The following SAMMSON variants were observed in gnomAD, a reference collection of about 807,000 sequenced individuals.
SAMMSON encodes the protein long intergenic non-protein coding RNA 1212.
intron 4 of SAMMSON, among the ~76,000 whole-genome samples, chr3:70,225,069 T>A (rs887531512): frequency 2.6e-5 from 4 of 152,164 alleles, no homozygotes; most frequent in Non-Finnish European, 5.9e-5. Flanking sequence ...ATATCTTGGG[T>A]GTTGGAAAGT....
chr3:70,326,166 C>T (rs1702579426), intron 7 of SAMMSON, among the ~76,000 whole-genome samples: 1 of 152,036 alleles, frequency 6.6e-6, no homozygotes. Context: ...TTTCCTTCCT[C>T]TTTCCCTTCC....
intron 4 of SAMMSON, among the ~76,000 whole-genome samples, chr3:70,094,320 A>G (rs1186401733): frequency 6.6e-6 from 1 of 152,250 alleles, no homozygotes; most frequent in Non-Finnish European, 1.5e-5. Flanking sequence ...GACTCCTTCC[A>G]GTGTATTCTA....
At chr3:70,252,197 T>C (rs1371494599) in intron 6 of SAMMSON, among the ~76,000 whole-genome samples, 1 of 152,210 alleles carries the variant, frequency 6.6e-6, no homozygotes, top group Non-Finnish European at 1.5e-5. Context: ...CTTGGCAAAA[T>C]TGAACAAAAT....
chr3:70,084,460 T>G (rs1416897522), intron 4 of SAMMSON, among the ~76,000 whole-genome samples: 1 of 152,194 alleles, frequency 6.6e-6, no homozygotes, highest in East Asian at 1.9e-4. Context: ...TTAATAAAAT[T>G]TGAAGAGATT....
At chr3:70,033,841 G>A (rs1411977034) in intron 3 of SAMMSON, among the ~76,000 whole-genome samples, 2 of 152,134 alleles carry the variant, frequency 1.3e-5, no homozygotes. Context: ...TTGGGAGATT[G>A]GATGAATGAC....
intron 2 of SAMMSON, among the ~76,000 whole-genome samples, chr3:70,424,213 T>G (rs1001765261): frequency 6.6e-5 from 10 of 152,210 alleles, no homozygotes; most frequent in African/African-American, 2.4e-4. Flanking sequence ...ATTAATTAAT[T>G]AAATACTTCT....
chr3:70,093,235 T>C (rs2067311781), intron 4 of SAMMSON, among the ~76,000 whole-genome samples: 1 of 152,154 alleles, frequency 6.6e-6, no homozygotes, highest in Non-Finnish European at 1.5e-5. Context: ...GAGAGCACAC[T>C]CAATGTCAGG....
At chr3:70,191,827 T>G (rs1330172364) in intron 4 of SAMMSON, among the ~76,000 whole-genome samples, 1 of 151,716 alleles carries the variant, frequency 6.6e-6, no homozygotes, top group African/African-American at 2.4e-5. Context: ...CTTGTGATAA[T>G]TGGTTATTTG....
chr3:70,424,746 T>C (rs1701342350), intron 2 of SAMMSON: 1 of 152,238 alleles, frequency 6.6e-6, no homozygotes, highest in South Asian at 2.1e-4. Context: ...CTTTGTCTAT[T>C]GACATTTTGA....
chr3:70,165,414 C>T (rs534287553), intron 4 of SAMMSON, among the ~76,000 whole-genome samples: 8 of 151,886 alleles, frequency 5.3e-5, no homozygotes, highest in Non-Finnish European at 8.8e-5. Context: ...AGAAGAGGCC[C>T]CAGAGAGTTT....
chr3:70,180,440 ATATATAATATCTAG>A (rs1215211380), intron 4 of SAMMSON, among the ~76,000 whole-genome samples: 2 of 152,170 alleles, frequency 1.3e-5, no homozygotes, highest in African/African-American at 4.8e-5. Flanking sequence ...CGTATGTTGC[ATATATAATATCTAG>A]TATATATTTA....
At chr3:70,202,828 G>A (rs1701254333) in intron 4 of SAMMSON, among the ~76,000 whole-genome samples, 1 of 152,098 alleles carries the variant, frequency 6.6e-6, no homozygotes, top group Non-Finnish European at 1.5e-5. Flanking sequence ...TACAACTGGG[G>A]ACTGGCTAAT....
At chr3:70,238,007 C>CTTTTTTTTTTTTTTTTTT (rs1701628969) in intron 4 of SAMMSON, among the ~76,000 whole-genome samples, 1 of 8,620 alleles carries the variant, frequency 1.2e-4, no homozygotes, top group Non-Finnish European at 2.5e-4. Flanking sequence ...TTTTTTTTTG[C>CTTTTTTTTTTTTTTTTTT]CTGTCCAGGA....
At chr3:70,265,583 T>C (rs1701910014) in intron 6 of SAMMSON, among the ~76,000 whole-genome samples, 1 of 152,132 alleles carries the variant, frequency 6.6e-6, no homozygotes, top group Non-Finnish European at 1.5e-5. Flanking sequence ...TCAAGGTGCT[T>C]CATTAATATT....
At chr3:70,356,682 A>G (rs1702831930) in intron 8 of SAMMSON, among the ~76,000 whole-genome samples, 1 of 152,098 alleles carries the variant, frequency 6.6e-6, no homozygotes, top group African/African-American at 2.4e-5. Flanking sequence ...TAAAATACCT[A>G]TCCTTTTTGT....
chr3:70,325,787 G>A (rs1055526079), intron 7 of SAMMSON, among the ~76,000 whole-genome samples: 4 of 152,070 alleles, frequency 2.6e-5, no homozygotes, highest in African/African-American at 9.7e-5. Context: ...AGGTATATCA[G>A]ATTGTAAATC....
intron 7 of SAMMSON, among the ~76,000 whole-genome samples, chr3:70,312,915 A>C (rs1702467496): frequency 6.6e-6 from 1 of 152,164 alleles, no homozygotes; most frequent in Non-Finnish European, 1.5e-5. Context: ...TAATATTAAA[A>C]GATGTAGAAA....
intron 2 of SAMMSON, among the ~76,000 whole-genome samples, chr3:70,398,413 G>C (rs1426506147): frequency 6.6e-6 from 1 of 152,090 alleles, no homozygotes; most frequent in Non-Finnish European, 1.5e-5. Context: ...TAGAAAAACT[G>C]GTTTCTTAAA....
chr3:70,308,372 A>G (rs1472249437), intron 7 of SAMMSON, among the ~76,000 whole-genome samples: 2 of 152,218 alleles, frequency 1.3e-5, no homozygotes, highest in East Asian at 3.9e-4. Context: ...GCATATTTTT[A>G]AATCATGCCT....
Sources: gnomAD v4.1 joint callset for allele counts (sites outside exome capture counted in the v4.1 genomes callset) on GRCh38, gnomAD v4.1.1 for gene constraint, MANE v1.5 for transcripts, NCBI Gene and HGNC (gene_info 2026-07-23, HGNC 2026-07-21) for gene names.